Variants in AGPAT4 observed in about 807,000 individuals in gnomAD.
AGPAT4 encodes 1-acyl-sn-glycerol-3-phosphate acyltransferase delta.
In AGPAT4, 15 loss-of-function variants were observed where a neutral mutation model predicts 48.0. The observed-to-expected ratio is 0.31, with a 90% CI of 0.21 to 0.48. The LOEUF (loss-of-function observed/expected upper bound fraction) is 0.48. Among genes scored for constraint, AGPAT4 ranks in the 20% least tolerant of loss-of-function variants. AGPAT4 has a pLI of 0.99. For missense variants in AGPAT4, 314 were observed against 482.5 expected (o/e 0.65, Z 3.27); for synonymous variants, 178 against 198.7 (o/e 0.90, Z 0.88).
rs924851135 is a variant in AGPAT4, at chr6:161,232,141, C to G, written c.73G>C (p.Gly25Arg). ...LVFCYVFIAS[G>R]LIINTIQLFT... ...AGCTGAATGGTGTTGATGATTAGCC[C>G]TGAGGCAATAAAGACGTAGCAGAAG... is the stretch of plus-strand genomic sequence containing the variant. Residue 25 changes from glycine to arginine, a missense_variant, in exon 2 of 9, where the codon GGG becomes CGG. Gly to Arg is a moderately radical substitution (Grantham distance 125). Transcript: ENST00000320285. This position sits in a 1 kb window ranked among gnomAD's most constrained non-coding sequence, Gnocchi z 6.8. 2.5e-6 allele frequency: 4 copies of G among 1,614,086 alleles called. No homozygotes were observed. Among genetic ancestry groups the G allele is most frequent in the Non-Finnish European group, 3.4e-6 (4 of 1,180,020 alleles).
At position 161,164,882 on chromosome 6, in the gene AGPAT4, C is replaced by A. The variant is rs370535377; in HGVS notation, c.348+1366G>T. On this transcript the variant is annotated intron_variant, in intron 3 of 8. Coordinates refer to ENST00000320285, the MANE Select transcript of AGPAT4 (RefSeq NM_020133.3). The surrounding 1 kb of genome is among the most constrained non-coding windows in gnomAD (Gnocchi z 7.4). ...ACACTACCAGAAAGTACTTACAAAGCCTGGAAAATCACCAGCTGCCTCTAA... is the reference window on the plus strand; with the variant it reads ...ACACTACCAGAAAGTACTTACAAAGACTGGAAAATCACCAGCTGCCTCTAA... 2.7e-4 allele frequency among the ~76,000 whole-genome samples: 41 copies of A among 152,250 alleles called. No individual in the cohort carries two copies. Among genetic ancestry groups the A allele is most frequent in the Admixed American group, 7.8e-4 (12 of 15,294 alleles).
At position 161,244,705 on chromosome 6, in the gene AGPAT4, A is replaced by G. The variant is rs1027566812; in HGVS notation, c.-89-12403T>C. On this transcript the variant is annotated intron_variant, in intron 1 of 8. Coordinates refer to ENST00000320285, the MANE Select transcript of AGPAT4 (RefSeq NM_020133.3). The surrounding 1 kb of genome is among the most constrained non-coding windows in gnomAD (Gnocchi z 4.7). ...ACATCTCCGATCCAGTAAAGCCGAC[A>G]AGGGTGCACACATCTCTCCCTTTGG... Among the ~76,000 whole-genome samples the G allele has an allele frequency of 2.0e-5, 3 of 152,186 alleles. No homozygotes were observed. Among genetic ancestry groups the G allele is most frequent in the Non-Finnish European group, 4.4e-5 (3 of 68,030 alleles).
At chr6:161,186,054 T>C (rs1218790946) in intron 2 of AGPAT4, among the ~76,000 whole-genome samples, 1 of 152,184 alleles carries the variant, frequency 6.6e-6, no homozygotes, top group Non-Finnish European at 1.5e-5. Context: ...TTCCATTTTC[T>C]CCTCACCCCA....
rs1363105833 is a variant in AGPAT4 at position 161,226,721 on chromosome 6, A to G, written c.178+5315T>C. Among the ~76,000 whole-genome samples the G allele has an allele frequency of 1.3e-5, 2 of 152,244 alleles. No homozygotes were observed. The highest frequency in any genetic ancestry group is 3.9e-4 in the East Asian group (2 of 5,188). ...CAGATGATAGCACATTGATGTGGCC[A>G]GGATTCCCCACAGAGAGGTTACCAT... is the stretch of plus-strand genomic sequence containing the variant. On this transcript the variant is annotated intron_variant, in intron 2 of 8. Transcript: ENST00000320285. This position sits in a 1 kb window ranked among gnomAD's most constrained non-coding sequence, Gnocchi z 6.3.
chr6:161,257,370 A>G (rs185392260), intron 1 of AGPAT4, among the ~76,000 whole-genome samples: 92 of 152,284 alleles, frequency 6.0e-4, no homozygotes, highest in Non-Finnish European at 1.2e-3. Flanking sequence ...AATACCTATC[A>G]AAGGCCAAAT....
intron 2 of AGPAT4, among the ~76,000 whole-genome samples, chr6:161,185,944 T>G (rs1780756457): frequency 6.6e-6 from 1 of 152,220 alleles, no homozygotes; most frequent in Admixed American, 6.5e-5. Flanking sequence ...CCACTATATT[T>G]GAAGCGATTA....
Position 161,159,065 on chromosome 6 carries a change from T to C in AGPAT4, c.349-4755A>G, listed in dbSNP as rs1365553978. Reference sequence around the variant, plus strand: ...CTTCAAAAACAGGTGAGATGTTCCTTAACAATAAAGCAGGCTAAACAGCCT... The same window carrying C: ...CTTCAAAAACAGGTGAGATGTTCCTCAACAATAAAGCAGGCTAAACAGCCT... On this transcript the variant is annotated intron_variant, in intron 3 of 8. Coordinates refer to ENST00000320285, the MANE Select transcript of AGPAT4 (RefSeq NM_020133.3). The surrounding 1 kb of genome is among the most constrained non-coding windows in gnomAD (Gnocchi z 4.1). Among the ~76,000 whole-genome samples, 1 of 152,216 alleles carries C rather than the reference T, an allele frequency of 6.6e-6. No individual in the cohort carries two copies. The highest frequency in any genetic ancestry group is 1.9e-4 in the East Asian group (1 of 5,192).
At position 161,134,326 on chromosome 6, in the gene AGPAT4, T is replaced by A. The variant is rs966309116; in HGVS notation, c.*2214A>T. ...AGCCAATTCAGAAGAAAATTGAATG[T>A]CTGTGGGCCCCCGGATCTATGTTTT... On this transcript the variant is annotated 3_prime_UTR_variant, in exon 9 of 9. Transcript: ENST00000320285. The A allele has an allele frequency of 6.6e-6, 1 of 152,200 alleles. No individual in the cohort carries two copies. The highest frequency in any genetic ancestry group is 2.4e-5 in the African/African-American group (1 of 41,442). The allele number at this position is 152,200 out of a possible 1,614,324, so 9.4% of individuals were successfully genotyped here. A position where few individuals can be genotyped will look rare whatever the true frequency, so the allele number is the denominator to read the frequency against.
In AGPAT4 at chr6:161,143,936, C is replaced by A; in HGVS notation, c.843+2588G>T. 1 of 298,448 alleles carries A rather than the reference C, an allele frequency of 3.4e-6. No homozygotes were observed. The highest frequency in any genetic ancestry group is 6.7e-6 in the Non-Finnish European group (1 of 149,290). 18.5% of individuals were successfully genotyped at this position (298,448 alleles called of 1,614,324 possible). A position where few individuals can be genotyped will look rare whatever the true frequency, so the allele number is the denominator to read the frequency against. On this transcript the variant is annotated intron_variant, in intron 7 of 8. Coordinates refer to ENST00000320285, the MANE Select transcript of AGPAT4 (RefSeq NM_020133.3). This position sits in a 1 kb window ranked among gnomAD's most constrained non-coding sequence, Gnocchi z 4.7. ...AATTGAAAAGTCAGAGAACTACTGC[C>A]CTAAAATCCCAAGGTCAAAATCAAC...
At position 161,166,453 on chromosome 6, in the gene AGPAT4, T is replaced by A. The variant is rs754812139; in HGVS notation, c.179-36A>T. On this transcript the variant is annotated intron_variant, in intron 2 of 8. Coordinates refer to ENST00000320285, the MANE Select transcript of AGPAT4 (RefSeq NM_020133.3). The surrounding 1 kb of genome is among the most constrained non-coding windows in gnomAD (Gnocchi z 6.7). ...CCACAACAGACAGATGTTTACTACA[T>A]GCAGCCTTGTCCTGGGAGCCCTGCT... 3.2e-6 allele frequency: 5 copies of A among 1,563,318 alleles called. No individual in the cohort carries two copies. The Admixed American group carries it at 9.0e-5, about 28-fold the overall frequency.
intron 2 of AGPAT4, among the ~76,000 whole-genome samples, chr6:161,213,483 C>T (rs915062708): frequency 1.2e-4 from 18 of 149,466 alleles, no homozygotes; most frequent in African/African-American, 4.2e-4. Context: ...TTCTGGGCTA[C>T]AAGTCTTCAA....
chr6:161,171,103 G>T lies in AGPAT4; in HGVS notation c.179-4686C>A, dbSNP rs1449872179. Among the ~76,000 whole-genome samples, 1 of 152,226 alleles carries T rather than the reference G, an allele frequency of 6.6e-6. No individual in the cohort carries two copies. Among genetic ancestry groups the T allele is most frequent in the East Asian group, 1.9e-4 (1 of 5,198 alleles). ...CTATCAGCAGGTGCTGCACAACAGA[G>T]ATGCTTGTGAGAAAGCAGGGCTTTC... On this transcript the variant is annotated intron_variant, in intron 2 of 8. Transcript: ENST00000320285. The surrounding 1 kb of genome is among the most constrained non-coding windows in gnomAD (Gnocchi z 4.4).
In AGPAT4 at chr6:161,165,466, G is replaced by T; in HGVS notation, c.348+782C>A. Reference sequence around the variant, plus strand: ...GCAGCCCCCGTATCTGTTCTACAGGGCATTGTTCCCAGGTGCAAAACCTGA... The same window carrying T: ...GCAGCCCCCGTATCTGTTCTACAGGTCATTGTTCCCAGGTGCAAAACCTGA... On this transcript the variant is annotated intron_variant, in intron 3 of 8. Transcript: ENST00000320285. The surrounding 1 kb of genome is among the most constrained non-coding windows in gnomAD (Gnocchi z 5.5). 1.8e-6 allele frequency: 1 copy of T among 563,414 alleles called. No individual in the cohort carries two copies. The highest frequency in any genetic ancestry group is 2.6e-6 in the Non-Finnish European group (1 of 382,398). 34.9% of individuals were successfully genotyped at this position (563,414 alleles called of 1,614,324 possible).
chr6:161,258,129 G>A (rs953337560), intron 1 of AGPAT4, among the ~76,000 whole-genome samples: 45 of 152,150 alleles, frequency 3.0e-4, no homozygotes, highest in Non-Finnish European at 2.6e-4. Flanking sequence ...TAAAAACAAG[G>A]AATTTTACTT....
At position 161,254,459 on chromosome 6, in the gene AGPAT4, T is replaced by C. The variant is rs3798943; in HGVS notation, c.-90+19479A>G. Among the ~76,000 whole-genome samples, 78,339 of 152,124 alleles carry C rather than the reference T, an allele frequency of 0.51. 20,480 individuals carry two copies. The highest frequency in any genetic ancestry group is 0.62 in the Admixed American group (9,418 of 15,272). On this transcript the variant is annotated intron_variant, in intron 1 of 8. Transcript: ENST00000320285. This position sits in a 1 kb window ranked among gnomAD's most constrained non-coding sequence, Gnocchi z 5.9. Reference sequence around the variant, plus strand: ...ATACTAAAACATATTAAGTGATTCATATACATATATACGTTTAGAGGCAAC... The same window carrying C: ...ATACTAAAACATATTAAGTGATTCACATACATATATACGTTTAGAGGCAAC...
chr6:161,269,539 G>C (rs1783364273), intron 1 of AGPAT4, among the ~76,000 whole-genome samples: 1 of 152,188 alleles, frequency 6.6e-6, no homozygotes, highest in South Asian at 2.1e-4. Flanking sequence ...TGCTGGGGGA[G>C]GGGGGCTGAG....
Position 161,203,786 on chromosome 6 carries a change from C to G in AGPAT4, c.178+28250G>C, listed in dbSNP as rs866704395. On this transcript the variant is annotated intron_variant, in intron 2 of 8. Transcript: ENST00000320285. ...TATGAGACCCCACTGGTTTGAAGTC[C>G]TCTTGTTGAGCTATCACCATCTACC... 3.9e-5 allele frequency among the ~76,000 whole-genome samples: 6 copies of G among 152,244 alleles called. No individual in the cohort carries two copies. In the South Asian group the frequency reaches 1.2e-3, roughly 32 times the overall value.
In AGPAT4 at chr6:161,242,538, A is replaced by G. The variant is rs1488247726; in HGVS notation, c.-89-10236T>C. Among the ~76,000 whole-genome samples, 1 of 152,160 alleles carries G rather than the reference A, an allele frequency of 6.6e-6. No homozygotes were observed. Among genetic ancestry groups the G allele is most frequent in the African/African-American group, 2.4e-5 (1 of 41,426 alleles). On this transcript the variant is annotated intron_variant, in intron 1 of 8. Coordinates refer to ENST00000320285, the MANE Select transcript of AGPAT4 (RefSeq NM_020133.3). The surrounding 1 kb of genome is among the most constrained non-coding windows in gnomAD (Gnocchi z 5.0). ...TGGGGCTGGAGGGTGCAGACCTCAG[A>G]GTAGGTACACATTCTGAGGGTGCCA...
chr6:161,155,413 C>T lies in AGPAT4; in HGVS notation c.349-1103G>A, dbSNP rs574271436. 2.0e-4 allele frequency among the ~76,000 whole-genome samples: 30 copies of T among 152,270 alleles called. No individual in the cohort carries two copies. The East Asian group carries it at 2.3e-3, about 12-fold the overall frequency. On this transcript the variant is annotated intron_variant, in intron 3 of 8. Transcript: ENST00000320285. This position sits in a 1 kb window ranked among gnomAD's most constrained non-coding sequence, Gnocchi z 5.8. ...AGGATGCCCACAGCGCAGAGAGCTC[C>T]GGCTTCAACACAGCCCTCTCTCCTC... is the stretch of plus-strand genomic sequence containing the variant.
Sources: allele counts gnomAD v4.1 joint callset (sites outside exome capture counted in the v4.1 genomes callset), GRCh38; gene constraint gnomAD v4.1.1; non-coding constraint Gnocchi (gnomAD v3.1); transcripts MANE v1.5; gene names NCBI Gene and HGNC (gene_info 2026-07-23, HGNC 2026-07-21).